Variants in ZFAT observed in about 807,000 individuals in gnomAD.
ZFAT encodes zinc finger protein ZFAT.
In ZFAT, 64 loss-of-function variants were observed where a neutral mutation model predicts 117.7. The observed-to-expected ratio is 0.54, with a 90% CI of 0.44 to 0.67. The LOEUF is 0.67. Ranked by LOEUF, ZFAT falls within the 30% of genes least tolerant of loss-of-function variation. The pLI, the probability that ZFAT is intolerant of heterozygous loss-of-function variation, is 0.00. For synonymous variants in ZFAT, 679 were observed against 615.0 expected (o/e 1.10, Z -1.54); for missense variants, 1,433 against 1,584.5 (o/e 0.90, Z 1.62).
intron 1 of ZFAT, among the ~76,000 whole-genome samples, chr8:134,709,483 C>A (rs1389433911): frequency 1.3e-5 from 2 of 152,166 alleles, no homozygotes; most frequent in Non-Finnish European, 2.9e-5. Context: ...CTAAATGTTC[C>A]AGCCCTTAAA....
chr8:134,678,671 C>T (rs1832920259), intron 1 of ZFAT, among the ~76,000 whole-genome samples: 1 of 152,116 alleles, frequency 6.6e-6, no homozygotes, highest in South Asian at 2.1e-4. Flanking sequence ...TTTGAAATCA[C>T]TACCTGATTT....
At chr8:134,549,293 T>C (rs530168928) in intron 11 of ZFAT, among the ~76,000 whole-genome samples, 2 of 151,890 alleles carry the variant, frequency 1.3e-5, no homozygotes, top group African/African-American at 4.8e-5. Context: ...TACAAAAAAT[T>C]AGCCAGGCGT....
intron 11 of ZFAT, among the ~76,000 whole-genome samples, chr8:134,563,077 C>T (rs1218932857): frequency 1.3e-5 from 2 of 152,134 alleles, no homozygotes; most frequent in Admixed American, 6.5e-5. Flanking sequence ...TTGCACTAGT[C>T]CCCCAAAGAA....
the ZFAT span, among the ~76,000 whole-genome samples, chr8:134,733,449 G>A: frequency 6.6e-6 from 1 of 152,234 alleles, no homozygotes; most frequent in South Asian, 2.1e-4. Context: ...GGGGTGTTGA[G>A]GCCAGAGATG....
At chr8:134,636,875 A>G (rs985720949) in intron 3 of ZFAT, among the ~76,000 whole-genome samples, 1 of 152,228 alleles carries the variant, frequency 6.6e-6, no homozygotes, top group African/African-American at 2.4e-5. Flanking sequence ...TCAAGAATGT[A>G]TCTGAAGGAG....
intron 10 of ZFAT, among the ~76,000 whole-genome samples, chr8:134,576,171 A>AT (rs1825283237): frequency 6.6e-6 from 1 of 152,250 alleles, no homozygotes; most frequent in South Asian, 2.1e-4. Context: ...GCCAAGCCTC[A>AT]TTAAAAAGTT....
intron 1 of ZFAT, among the ~76,000 whole-genome samples, chr8:134,697,661 A>G (rs1274027807): frequency 1.3e-5 from 2 of 150,878 alleles, no homozygotes; most frequent in Non-Finnish European, 3.0e-5. Context: ...CGGAAGGCGG[A>G]GCTTGCAGTG....
intron 15 of ZFAT, among the ~76,000 whole-genome samples, chr8:134,484,035 T>C (rs1278332442): frequency 6.6e-6 from 1 of 152,126 alleles, no homozygotes; most frequent in Admixed American, 6.5e-5. Context: ...GTAAAACCCA[T>C]TCCTCTCAGG....
chr8:134,565,602 G>T, intron 10 of ZFAT, 181 bp from the exon 11 acceptor site: 1 of 716,404 alleles, frequency 1.4e-6, no homozygotes. Context: ...TTCAACAGGT[G>T]GGAGTGGAGA....
chr8:134,639,665 A>T (rs767307975), intron 2 of ZFAT: 10 of 456,160 alleles, frequency 2.2e-5, no homozygotes, highest in Non-Finnish European at 3.5e-5. Context: ...TGGAGTCTTT[A>T]AAACTTTTCT....
chr8:134,572,808 A>G (rs1330431040), intron 10 of ZFAT, among the ~76,000 whole-genome samples: 2 of 152,202 alleles, frequency 1.3e-5, no homozygotes, highest in Admixed American at 1.3e-4. Context: ...GTGGGGAAAA[A>G]AAAAAAAGCT....
intron 12 of ZFAT, among the ~76,000 whole-genome samples, chr8:134,525,481 C>G (rs1013821095): frequency 2.0e-5 from 3 of 152,194 alleles, no homozygotes; most frequent in African/African-American, 7.2e-5. Flanking sequence ...TCAAGGTTGT[C>G]TGGACAAATT....
Position 134,610,776 on chromosome 8 carries a change from C to T in ZFAT, c.449-121G>A, listed in dbSNP as rs1377422125. 23 of 1,105,982 alleles carry T rather than the reference C, an allele frequency of 2.1e-5. No individual in the cohort carries two copies. In the East Asian group the frequency reaches 4.4e-4, roughly 21 times the overall value. The allele number at this position is 1,105,982 out of a possible 1,614,324, so 68.5% of individuals were successfully genotyped here. A position where few individuals can be genotyped will look rare whatever the true frequency, so the allele number is the denominator to read the frequency against. ...CACAGCTCTTTGGTCTGCAGTGCCA[C>T]GCAGACCACGGAATCACTGTAGGTA... is the stretch of plus-strand genomic sequence containing the variant. On this transcript the variant is annotated intron_variant, in intron 3 of 15. Coordinates refer to ENST00000377838, the MANE Select transcript of ZFAT (RefSeq NM_020863.4).
chr8:134,789,451 A>G, the ZFAT span, among the ~76,000 whole-genome samples: 1 of 152,220 alleles, frequency 6.6e-6, no homozygotes, highest in Non-Finnish European at 1.5e-5. Context: ...CTGCCTGAAG[A>G]ACTCTCTTCA....
the ZFAT span, among the ~76,000 whole-genome samples, chr8:134,812,750 T>G: frequency 2.6e-5 from 4 of 152,094 alleles, no homozygotes; most frequent in African/African-American, 9.7e-5. Context: ...AATCAGTCAA[T>G]CAATCGTATT....
At chr8:134,483,540 A>G (rs1265299710) in intron 15 of ZFAT, among the ~76,000 whole-genome samples, 1 of 152,228 alleles carries the variant, frequency 6.6e-6, no homozygotes, top group African/African-American at 2.4e-5. Context: ...TTAATCTATT[A>G]GCACAGGCTT....
At chr8:134,565,235 A>T (rs1824351535) in intron 11 of ZFAT, 98 bp downstream of exon 11, 1 of 1,582,016 alleles carries the variant, frequency 6.3e-7, no homozygotes, top group Admixed American at 1.8e-5. Flanking sequence ...GCGAAGGTAA[A>T]ACCAACAAAC....
intron 5 of ZFAT, among the ~76,000 whole-genome samples, chr8:134,607,640 C>T (rs17770070): frequency 0.17 from 25,293 of 152,234 alleles, 2,362 homozygotes; most frequent in Non-Finnish European, 0.22. Context: ...CTAGAGCCAA[C>T]CTAGGTCTAT....
At chr8:134,629,482 T>C (rs1266247798) in intron 3 of ZFAT, among the ~76,000 whole-genome samples, 1 of 151,806 alleles carries the variant, frequency 6.6e-6, no homozygotes, top group Admixed American at 6.6e-5. Context: ...TGCTGGCTGA[T>C]ATAGTTTGGA....
Sources: allele counts gnomAD v4.1 joint callset (sites outside exome capture counted in the v4.1 genomes callset), GRCh38; gene constraint gnomAD v4.1.1; transcripts MANE v1.5; gene names NCBI Gene and HGNC (gene_info 2026-07-23, HGNC 2026-07-21).